TXNRD1: variants seen among roughly 807,000 people sequenced by gnomAD.
TXNRD1 encodes thioredoxin reductase 1, also known as thioredoxin reductase 1, cytoplasmic.
Under a neutral mutation model 80.3 loss-of-function variants are expected in TXNRD1, and 57 were observed. The ratio of observed to expected loss-of-function variants is 0.71; its 90% CI spans 0.57 to 0.89. The LOEUF (loss-of-function observed/expected upper bound fraction) is 0.89. Ranked by LOEUF, TXNRD1 falls within the 40% of genes least tolerant of loss-of-function variation. TXNRD1 has a pLI of 0.00. For missense variants in TXNRD1, 730 were observed against 803.0 expected (o/e 0.91, Z 1.10); for synonymous variants, 291 against 285.2 (o/e 1.02, Z -0.20).
At chr12:104,319,370 A>T in intron 8 of TXNRD1, 100 bp from the exon 9 acceptor site, 3 of 767,530 alleles carry the variant, frequency 3.9e-6, no homozygotes, top group Non-Finnish European at 4.3e-6. Flanking sequence ...CATTATGAGG[A>T]TGAAATGAGA....
rs34439288 is a variant in TXNRD1 at position 104,302,102 on chromosome 12, G to A, written c.415-9188G>A. On this transcript the variant is annotated intron_variant, in intron 4 of 16. Transcript: ENST00000525566. ...TTTGAGAAGCCAACAATCTAATAGG[G>A]TAGGATCATATATATGTACAACTAA... is the stretch of plus-strand genomic sequence containing the variant. Among the ~76,000 whole-genome samples, 504 of 152,276 alleles carry A rather than the reference G, an allele frequency of 3.3e-3. 5 individuals carry two copies. Among genetic ancestry groups the A allele is most frequent in the African/African-American group, 0.012 (497 of 41,542 alleles).
chr12:104,270,000 C>T (rs1284262472), intron 3 of TXNRD1, among the ~76,000 whole-genome samples: 4 of 152,190 alleles, frequency 2.6e-5, no homozygotes, highest in African/African-American at 9.6e-5. Context: ...TGTGCACCAC[C>T]ATGCCTGGCC....
intron 1 of TXNRD1, among the ~76,000 whole-genome samples, chr12:104,220,597 C>G (rs906668631): frequency 5.9e-5 from 9 of 151,980 alleles, no homozygotes; most frequent in Admixed American, 5.9e-4. Context: ...TGGTAGCACA[C>G]ACCTGTAATC....
chr12:104,269,774 T>C (rs2033615384), intron 3 of TXNRD1, among the ~76,000 whole-genome samples: 2 of 152,238 alleles, frequency 1.3e-5, no homozygotes, highest in South Asian at 4.2e-4. Flanking sequence ...TTTTATCATG[T>C]TGGCCAGGAT....
chr12:104,272,436 C>T (rs77006691), intron 3 of TXNRD1, among the ~76,000 whole-genome samples: 3,449 of 152,144 alleles, frequency 0.023, 59 homozygotes, highest in Middle Eastern at 0.044. Context: ...AGCAGATAAT[C>T]GGAATGAGTC....
chr12:104,238,664 A>G (rs1004086378), intron 1 of TXNRD1, among the ~76,000 whole-genome samples: 6 of 152,140 alleles, frequency 3.9e-5, no homozygotes, highest in Admixed American at 1.3e-4. Context: ...TCTTTATTCT[A>G]TTAATATGAT....
In TXNRD1 at chr12:104,309,807, A is replaced by G. The variant is rs35626435; in HGVS notation, c.415-1483A>G. 2.0e-3 allele frequency: 3,103 copies of G among 1,534,832 alleles called. 62 individuals carry two copies. The African/African-American group carries it at 0.037, about 18-fold the overall frequency. Reference sequence around the variant, plus strand: ...TTGGCCATAATGCCAGTTGATGACTACTGGCTGTGTTTACCAGCCTCTTGT... The same window carrying G: ...TTGGCCATAATGCCAGTTGATGACTGCTGGCTGTGTTTACCAGCCTCTTGT... On this transcript the variant is annotated intron_variant, in intron 4 of 16. Transcript: ENST00000525566.
intron 1 of TXNRD1, among the ~76,000 whole-genome samples, chr12:104,233,273 TA>T (rs2135685497): frequency 6.6e-6 from 1 of 151,672 alleles, no homozygotes; most frequent in African/African-American, 2.4e-5. Flanking sequence ...AAGAAACTAT[TA>T]TTTCTAACAT....
intron 15 of TXNRD1, among the ~76,000 whole-genome samples, chr12:104,338,852 A>G (rs1254213373): frequency 2.0e-5 from 3 of 151,692 alleles, no homozygotes; most frequent in Non-Finnish European, 4.4e-5. Flanking sequence ...AAGTAGCTGG[A>G]ACTACAGGCA....
intron 3 of TXNRD1, among the ~76,000 whole-genome samples, chr12:104,264,380 A>T (rs1030940123): frequency 2.0e-5 from 3 of 152,192 alleles, no homozygotes; most frequent in African/African-American, 7.2e-5. Flanking sequence ...GGGGCAGAGA[A>T]CGATGAGAGG....
rs1033990450 is a variant in TXNRD1 at position 104,298,178 on chromosome 12, T to C, written c.414+9138T>C. On this transcript the variant is annotated intron_variant, in intron 4 of 16. Transcript: ENST00000525566. ...CTTTTAGATACTAGACTTAAGAATC[T>C]GCTGAAATCTAAGGAGCTATTCCTG... Among the ~76,000 whole-genome samples the C allele has an allele frequency of 9.2e-4, 140 of 152,226 alleles. 1 individual carries two copies. The highest frequency in any genetic ancestry group is 3.3e-3 in the African/African-American group (136 of 41,468).
At chr12:104,273,501 G>C (rs921866118) in intron 3 of TXNRD1, among the ~76,000 whole-genome samples, 4 of 152,152 alleles carry the variant, frequency 2.6e-5, no homozygotes, top group African/African-American at 9.7e-5. Context: ...GCTGAGGCAG[G>C]AGAATCGCTT....
chr12:104,290,512 G>A (rs60228168), intron 4 of TXNRD1, among the ~76,000 whole-genome samples: 1,887 of 151,384 alleles, frequency 0.012, 43 homozygotes, highest in African/African-American at 0.044. Context: ...GGGCAACACG[G>A]TGAAACCCCG....
intron 15 of TXNRD1, among the ~76,000 whole-genome samples, chr12:104,338,938 G>A (rs530612790): frequency 6.6e-6 from 1 of 152,006 alleles, no homozygotes; most frequent in South Asian, 2.1e-4. Context: ...GGATGGTCTC[G>A]ACCTCCTGAC....
At chr12:104,236,965 G>A (rs2032751755) in intron 1 of TXNRD1, among the ~76,000 whole-genome samples, 1 of 151,852 alleles carries the variant, frequency 6.6e-6, no homozygotes, top group African/African-American at 2.4e-5. Flanking sequence ...ATGCATGAGA[G>A]GCCCTAAGAT....
chr12:104,241,117 G>A lies in TXNRD1; in HGVS notation c.92-10410G>A, dbSNP rs527617446. On this transcript the variant is annotated intron_variant, in intron 1 of 16. Transcript: ENST00000525566. ...TGCAGTGGCATGGTCTCGGCTCACT[G>A]CAACCTCTGCCTCACAGGTTCAAGT... is the stretch of plus-strand genomic sequence containing the variant. Among the ~76,000 whole-genome samples the A allele has an allele frequency of 3.6e-4, 55 of 151,216 alleles. 1 individual carries two copies. Among genetic ancestry groups the A allele is most frequent in the African/African-American group, 1.3e-3 (53 of 41,150 alleles).
intron 1 of TXNRD1, among the ~76,000 whole-genome samples, chr12:104,229,211 C>G (rs1263505771): frequency 7.3e-6 from 1 of 136,242 alleles, no homozygotes; most frequent in Non-Finnish European, 1.5e-5. Flanking sequence ...GTAGTGGTGT[C>G]ATCTTGGCTC....
chr12:104,335,754 ATCTG>A (rs1248324941), intron 15 of TXNRD1, among the ~76,000 whole-genome samples: 1 of 152,216 alleles, frequency 6.6e-6, no homozygotes, highest in Non-Finnish European at 1.5e-5. Context: ...ATGTTAAAGA[ATCTG>A]TATGTTAAAA....
chr12:104,274,751 T>G (rs2135728672), intron 3 of TXNRD1, among the ~76,000 whole-genome samples: 1 of 152,114 alleles, frequency 6.6e-6, no homozygotes, highest in Admixed American at 6.6e-5. Flanking sequence ...TATATGGCAC[T>G]TCTTTCATCT....
Sources: gnomAD v4.1 joint callset for allele counts (sites outside exome capture counted in the v4.1 genomes callset) on GRCh38, gnomAD v4.1.1 for gene constraint, MANE v1.5 for transcripts, NCBI Gene and HGNC (gene_info 2026-07-23, HGNC 2026-07-21) for gene names.